The following SESTD1 variants were observed in gnomAD, a reference collection of about 807,000 sequenced individuals.
SESTD1 encodes the protein SEC14 and spectrin domain containing 1.
Under a neutral mutation model 101.7 loss-of-function variants are expected in SESTD1, and 43 were observed. That is an observed-to-expected ratio of 0.42 (90% CI 0.33 to 0.55). The LOEUF is 0.55. Ranked by LOEUF, SESTD1 falls within the 20% of genes least tolerant of loss-of-function variation. The probability of loss-of-function intolerance (pLI) is 0.07; values close to 1 mark genes in which losing one functional copy is unlikely to be tolerated. For synonymous variants in SESTD1, 283 were observed against 286.8 expected, an observed-to-expected ratio of 0.99 and a Z score of 0.13; for missense variants, 647 against 815.1, an observed-to-expected ratio of 0.79 and a Z score of 2.51.
rs1047340490 is a variant in SESTD1, at chr2:179,134,146, C to T, written c.850-1720G>A. On this transcript the variant is annotated intron_variant, in intron 9 of 17. Coordinates refer to ENST00000428443, the MANE Select transcript of SESTD1 (RefSeq NM_178123.5). ...TCTGCAGGGCGTCCTTGAACCAATC[C>T]ACCACAAATACCAAGGGACAACCAT... Among the ~76,000 whole-genome samples the T allele has an allele frequency of 4.6e-5, 7 of 151,176 alleles. 1 individual carries two copies. Among genetic ancestry groups the T allele is most frequent in the Admixed American group, 1.3e-4 (2 of 15,166 alleles).
chr2:179,183,093 G>C lies in SESTD1; in HGVS notation c.151C>G (p.Leu51Val). Residue 51 changes from leucine (L) to valine (V), a missense_variant, in exon 3 of 18, where the codon CTC becomes GTC. Leu to Val is a conservative substitution (Grantham distance 32). Transcript: ENST00000428443. Reference sequence around the variant, plus strand: ...CTTTAGAGTCACCTTGGAATGCTGAGTAGGTAGTCTAAGGTGACACTCAGC... The same window carrying C: ...CTTTAGAGTCACCTTGGAATGCTGACTAGGTAGTCTAAGGTGACACTCAGC... Reference protein sequence around the residue: ...DELSVTLDYLLSIPSEKCKAR... With the variant: ...DELSVTLDYLVSIPSEKCKAR... 1 of 1,606,126 alleles carries C rather than the reference G, an allele frequency of 6.2e-7. No homozygotes were observed. Among genetic ancestry groups the C allele is most frequent in the Non-Finnish European group, 8.5e-7 (1 of 1,176,088 alleles).
chr2:179,174,222 T>C (rs2045971821), intron 4 of SESTD1, among the ~76,000 whole-genome samples: 2 of 152,246 alleles, frequency 1.3e-5, no homozygotes, highest in South Asian at 2.1e-4. Flanking sequence ...CCCAAACAGC[T>C]GGTCCCAGTA....
At chr2:179,142,613 G>A (rs1048932976) in intron 9 of SESTD1, among the ~76,000 whole-genome samples, 7 of 152,100 alleles carry the variant, frequency 4.6e-5, no homozygotes, top group Admixed American at 6.6e-5. Flanking sequence ...GGGATTCTAC[G>A]CTGCTATGAT....
At chr2:179,226,887 T>G (rs1288966126) in intron 1 of SESTD1, among the ~76,000 whole-genome samples, 1 of 152,192 alleles carries the variant, frequency 6.6e-6, no homozygotes, top group Non-Finnish European at 1.5e-5. Flanking sequence ...GCTTTCTCAG[T>G]TAGGTGCCAC....
chr2:179,150,389 G>A (rs1229734991), intron 6 of SESTD1, among the ~76,000 whole-genome samples: 1 of 151,402 alleles, frequency 6.6e-6, no homozygotes, highest in African/African-American at 2.4e-5. Context: ...GCAGATTTCA[G>A]AAGTCTAGAA....
chr2:179,105,663 A>T lies in SESTD1; in HGVS notation c.*4236T>A, dbSNP rs1452857738. On this transcript the variant is annotated 3_prime_UTR_variant, in exon 18 of 18. Coordinates refer to ENST00000428443, the MANE Select transcript of SESTD1 (RefSeq NM_178123.5). Reference sequence around the variant, plus strand: ...TTATTCTGAAAAGATAATTATAGCAATGATACCTTCCATTCTGTTTATTTC... The same window carrying T: ...TTATTCTGAAAAGATAATTATAGCATTGATACCTTCCATTCTGTTTATTTC... 1.3e-5 allele frequency: 2 copies of T among 152,188 alleles called. No individual in the cohort carries two copies. Among genetic ancestry groups the T allele is most frequent in the African/African-American group, 2.4e-5 (1 of 41,446 alleles). 9.4% of individuals were successfully genotyped at this position (152,188 alleles called of 1,614,324 possible).
chr2:179,123,971 T>C (rs2044811624), intron 11 of SESTD1, 142 bp from the exon 12 acceptor site: 1 of 616,842 alleles, frequency 1.6e-6, no homozygotes, highest in South Asian at 2.4e-5. Flanking sequence ...GACGAATCAT[T>C]AGAATATGCA....
intron 5 of SESTD1, among the ~76,000 whole-genome samples, chr2:179,155,400 C>T (rs1425794528): frequency 1.3e-5 from 2 of 152,096 alleles, no homozygotes; most frequent in African/African-American, 4.8e-5. Context: ...AAATAAATTA[C>T]TTGCTAAATT....
At chr2:179,152,775 T>C (rs1054613573) in intron 5 of SESTD1, among the ~76,000 whole-genome samples, 3 of 152,022 alleles carry the variant, frequency 2.0e-5, no homozygotes, top group Admixed American at 6.6e-5. Flanking sequence ...TTGATAACAA[T>C]ACATTAAATG....
chr2:179,112,476 G>C (rs1469314731), intron 17 of SESTD1, among the ~76,000 whole-genome samples: 1 of 152,216 alleles, frequency 6.6e-6, no homozygotes, highest in Non-Finnish European at 1.5e-5. Context: ...AGAACCCAGT[G>C]TCTTAATCTA....
chr2:179,137,057 T>C (rs78365418), intron 9 of SESTD1, among the ~76,000 whole-genome samples: 4,071 of 152,248 alleles, frequency 0.027, 84 homozygotes, highest in Non-Finnish European at 0.035. Context: ...ATAATGGCAG[T>C]TTGCCAAACT....
chr2:179,257,528 C>T (rs533432222), intron 1 of SESTD1, among the ~76,000 whole-genome samples: 2 of 152,274 alleles, frequency 1.3e-5, no homozygotes, highest in Non-Finnish European at 2.9e-5. Flanking sequence ...ATTTGCTTTA[C>T]TGTGGTGGTC....
At position 179,104,708 on chromosome 2, in the gene SESTD1, G is replaced by T. The variant is rs2044342970; in HGVS notation, c.*5191C>A. 1 of 152,040 alleles carries T rather than the reference G, an allele frequency of 6.6e-6. No individual in the cohort carries two copies. Among genetic ancestry groups the T allele is most frequent in the African/African-American group, 2.4e-5 (1 of 41,358 alleles). 9.4% of individuals were successfully genotyped at this position (152,040 alleles called of 1,614,324 possible). A position where few individuals can be genotyped will look rare whatever the true frequency, so the allele number is the denominator to read the frequency against. On this transcript the variant is annotated 3_prime_UTR_variant, in exon 18 of 18. Transcript: ENST00000428443. ...TCCCTAATAACACTGCTCCTGATAA[G>T]TAGCAGTTGATAACTACTTTCAGTT...
At chr2:179,143,897 C>T (rs2045338726) in intron 8 of SESTD1, 94 bp from the exon 9 acceptor site, 1 of 1,267,054 alleles carries the variant, frequency 7.9e-7, no homozygotes, top group East Asian at 2.5e-5. Context: ...GTTTTTAAAA[C>T]CTATCTACCT....
At chr2:179,248,075 AAC>A (rs1341276152) in intron 1 of SESTD1, among the ~76,000 whole-genome samples, 2 of 151,714 alleles carry the variant, frequency 1.3e-5, no homozygotes, top group Non-Finnish European at 1.5e-5. Context: ...GGCAAAGAAA[AAC>A]AGAGACGACA....
At chr2:179,249,477 T>C (rs1262317823) in intron 1 of SESTD1, among the ~76,000 whole-genome samples, 2 of 152,186 alleles carry the variant, frequency 1.3e-5, no homozygotes, top group African/African-American at 4.8e-5. Context: ...AATACTTGTA[T>C]GCTGGAAACT....
chr2:179,180,610 CATT>C (rs1310813898), intron 3 of SESTD1, among the ~76,000 whole-genome samples: 1 of 152,100 alleles, frequency 6.6e-6, no homozygotes, highest in Non-Finnish European at 1.5e-5. Context: ...AAACAAAGTA[CATT>C]ATTAGTTTTA....
At chr2:179,191,751 A>G (rs778998009) in intron 2 of SESTD1, 36 bp downstream of exon 2, 46 of 1,552,370 alleles carry the variant, frequency 3.0e-5, no homozygotes, top group Non-Finnish European at 3.6e-5. Flanking sequence ...AAAAGTTTGT[A>G]TATCAAACAC....
intron 5 of SESTD1, among the ~76,000 whole-genome samples, chr2:179,160,145 C>T (rs56181927): frequency 0.12 from 18,722 of 152,286 alleles, 1,268 homozygotes; most frequent in South Asian, 0.24. Flanking sequence ...GCATGAGCCA[C>T]TGTGCCCAGC....
Sources: gnomAD v4.1 joint callset for allele counts (sites outside exome capture counted in the v4.1 genomes callset) on GRCh38, gnomAD v4.1.1 for gene constraint, MANE v1.5 for transcripts, NCBI Gene and HGNC (gene_info 2026-07-23, HGNC 2026-07-21) for gene names.